ACACA: variants seen among roughly 807,000 people sequenced by gnomAD.
ACACA encodes acetyl-CoA carboxylase alpha.
A neutral mutation model predicts 296.1 loss-of-function variants in ACACA; 103 were observed. That is an observed-to-expected ratio of 0.35 (90% CI 0.30 to 0.41). The LOEUF (loss-of-function observed/expected upper bound fraction) is 0.41. Among genes scored for constraint, ACACA ranks in the 10% least tolerant of loss-of-function variants. The probability of loss-of-function intolerance (pLI) is 1.00; values close to 1 mark genes in which losing one functional copy is unlikely to be tolerated. For missense variants in ACACA, 1,554 were observed against 2,989.7 expected (o/e 0.52, Z 11.20); for synonymous variants, 953 against 1,038.6 (o/e 0.92, Z 1.58).
intron 45 of ACACA, among the ~76,000 whole-genome samples, chr17:37,136,185 G>C (rs1374750805): frequency 6.6e-6 from 1 of 152,002 alleles, no homozygotes; most frequent in Non-Finnish European, 1.5e-5. Context: ...AAGATAGAGA[G>C]CATTTTCATC....
intron 40 of ACACA, 28 bp downstream of exon 40, chr17:37,181,172 AT>A (rs1375667227): frequency 6.2e-7 from 1 of 1,613,414 alleles, no homozygotes; most frequent in Non-Finnish European, 8.5e-7. Flanking sequence ...TCCTTAGAAC[AT>A]GTCAGACCCT....
intron 3 of ACACA, among the ~76,000 whole-genome samples, chr17:37,296,248 T>G (rs2083319978): frequency 6.6e-6 from 1 of 151,872 alleles, no homozygotes. Context: ...CTCGCTTGCA[T>G]GATTCTCATT....
Position 37,174,020 on chromosome 17 carries a change from A to ATTTTTT in ACACA, c.5079+5234_5079+5239dup, listed in dbSNP as rs71159693. 3.9e-3 allele frequency among the ~76,000 whole-genome samples: 66 copies of ATTTTTT among 16,790 alleles called. 9 individuals are homozygous for ATTTTTT. Among genetic ancestry groups the ATTTTTT allele is most frequent in the African/African-American group, 0.016 (63 of 3,912 alleles). The allele number at this position is 16,790 out of a possible 152,430, so 11.0% of individuals were successfully genotyped here. A position where few individuals can be genotyped will look rare whatever the true frequency, so the allele number is the denominator to read the frequency against. On this transcript the variant is annotated intron_variant, in intron 41 of 55. Coordinates refer to ENST00000616317, the MANE Select transcript of ACACA (RefSeq NM_198834.3). ...TATATATATATATATATATATATATATTTTTTTTTTTTTTTTTTTTTGTAG... is the reference window on the plus strand; with the variant it reads ...TATATATATATATATATATATATATATTTTTTTTTTTTTTTTTTTTTTTTTTTGTAG...
intron 1 of ACACA, among the ~76,000 whole-genome samples, chr17:37,383,298 G>A (rs879837581): frequency 9.9e-5 from 15 of 152,040 alleles, no homozygotes; most frequent in Non-Finnish European, 1.5e-4. Flanking sequence ...AGGGGTTAAG[G>A]GGGAGGAGAG....
chr17:37,122,547 AGGTTT>A lies in ACACA; in HGVS notation c.6117_6121del (p.Asn2040GlyfsTer3). 6.2e-7 allele frequency: 1 copy of A among 1,614,202 alleles called. No homozygotes were observed. Among genetic ancestry groups the A allele is most frequent in the Non-Finnish European group, 8.5e-7 (1 of 1,180,032 alleles). ...GTGGCCTACCTTGGCTTCAGAATCC[AGGTTT>A]GCTGGATCAGCTGGGATACTTAGTT... On this transcript the variant is annotated frameshift_variant, in exon 49 of 56. Coordinates refer to ENST00000616317, the MANE Select transcript of ACACA (RefSeq NM_198834.3). LOFTEE classifies it high-confidence loss of function.
At chr17:37,175,278 T>C (rs1473615683) in intron 41 of ACACA, among the ~76,000 whole-genome samples, 1 of 152,370 alleles carries the variant, frequency 6.6e-6, no homozygotes, top group Non-Finnish European at 1.5e-5. Flanking sequence ...AGTTAAGTTG[T>C]TCTCTGTCAA....
At chr17:37,092,400 T>A (rs1373717477) in intron 54 of ACACA, among the ~76,000 whole-genome samples, 1 of 152,126 alleles carries the variant, frequency 6.6e-6, no homozygotes. Flanking sequence ...TGTCAGCATA[T>A]CCATCTGTAT....
chr17:37,309,098 C>A (rs186324936), intron 3 of ACACA, among the ~76,000 whole-genome samples: 2 of 152,238 alleles, frequency 1.3e-5, no homozygotes, highest in African/African-American at 4.8e-5. Flanking sequence ...TAGTTCACTG[C>A]GGCCTTAAAC....
At chr17:37,150,076 A>G in intron 44 of ACACA, 102 bp from the exon 45 acceptor site, 1 of 998,332 alleles carries the variant, frequency 1.0e-6, no homozygotes, top group East Asian at 2.5e-5. Context: ...AGAAATAAAC[A>G]TTGCTTTTTA....
intron 25 of ACACA, among the ~76,000 whole-genome samples, chr17:37,231,858 C>T (rs1567853525): frequency 1.3e-5 from 2 of 152,160 alleles, no homozygotes; most frequent in Non-Finnish European, 2.9e-5. Context: ...TCTAAGCAAA[C>T]ATAAACAATG....
At chr17:37,376,202 A>G (rs1937222417) in intron 1 of ACACA, 1 of 1,500,394 alleles carries the variant, frequency 6.7e-7, no homozygotes, top group Non-Finnish European at 9.3e-7. Flanking sequence ...GAGGCCTAGA[A>G]AGAGTTTCGG....
intron 29 of ACACA, among the ~76,000 whole-genome samples, chr17:37,221,265 A>G (rs552651482): frequency 2.6e-5 from 4 of 152,306 alleles, no homozygotes; most frequent in Admixed American, 6.5e-5. Context: ...CAACTGCTAA[A>G]TTCAGGTGGT....
intron 8 of ACACA, among the ~76,000 whole-genome samples, chr17:37,275,209 A>G (rs1465882097): frequency 1.3e-5 from 2 of 152,168 alleles, no homozygotes; most frequent in Non-Finnish European, 2.9e-5. Flanking sequence ...TATCAAGAAA[A>G]CATTGGCGCC....
chr17:37,359,488 C>T (rs2049314657), intron 1 of ACACA, among the ~76,000 whole-genome samples: 1 of 152,202 alleles, frequency 6.6e-6, no homozygotes, highest in Admixed American at 6.5e-5. Context: ...CCCCTTCTGC[C>T]ACAGCCGGGT....
chr17:37,222,017 T>C (rs2079316986), intron 28 of ACACA, 175 bp from the exon 29 acceptor site: 1 of 637,408 alleles, frequency 1.6e-6, no homozygotes, highest in Non-Finnish European at 2.8e-6. Context: ...GCTGGAGTCT[T>C]AATACTATAA....
intron 3 of ACACA, chr17:37,289,549 A>G: frequency 7.7e-7 from 1 of 1,306,028 alleles, no homozygotes; most frequent in Non-Finnish European, 1.0e-6. Flanking sequence ...AAAAATGTCA[A>G]TCAAAATGCA....
intron 52 of ACACA, among the ~76,000 whole-genome samples, chr17:37,111,121 G>A (rs1436048971): frequency 6.6e-6 from 1 of 152,044 alleles, no homozygotes; most frequent in Non-Finnish European, 1.5e-5. Context: ...CACCACCTGG[G>A]TAAAGACTCC....
At chr17:37,133,142 C>T (rs192207855) in intron 45 of ACACA, among the ~76,000 whole-genome samples, 16 of 152,276 alleles carry the variant, frequency 1.1e-4, no homozygotes, top group Non-Finnish European at 1.3e-4. Flanking sequence ...CTAAGAGTAT[C>T]CCAATATCAC....
chr17:37,285,149 GA>G (rs1284224685), intron 3 of ACACA, among the ~76,000 whole-genome samples, 179 bp from the exon 4 acceptor site: 2 of 151,270 alleles, frequency 1.3e-5, no homozygotes, highest in South Asian at 2.1e-4. Context: ...GAAATTTAAG[GA>G]AAAAAAAGCG....
Sources: allele counts gnomAD v4.1 joint callset (sites outside exome capture counted in the v4.1 genomes callset), GRCh38; gene constraint gnomAD v4.1.1; transcripts MANE v1.5; gene names NCBI Gene and HGNC (gene_info 2026-07-23, HGNC 2026-07-21).